Variants in TACR3 observed in about 807,000 individuals in gnomAD.
TACR3 encodes tachykinin receptor 3, also known as neuromedin-K receptor.
Under a neutral mutation model 35.0 loss-of-function variants are expected in TACR3, and 34 were observed. The observed-to-expected ratio is 0.97, with a 90% CI of 0.74 to 1.30. The LOEUF is 1.30. TACR3 is among the 50% of genes most tolerant of loss of function. The pLI, the probability that TACR3 is intolerant of heterozygous loss-of-function variation, is 0.00. For missense variants in TACR3, 558 were observed against 591.7 expected, an observed-to-expected ratio of 0.94 and a Z score of 0.59; for synonymous variants, 233 against 221.1, an observed-to-expected ratio of 1.05 and a Z score of -0.48.
At chr4:103,670,723 G>A (rs1726039445) in intron 1 of TACR3, among the ~76,000 whole-genome samples, 1 of 152,044 alleles carries the variant, frequency 6.6e-6, no homozygotes. Flanking sequence ...TTTTAGTGGA[G>A]TCTTTAGGTT....
chr4:103,596,952 T>G (rs1402575274), intron 3 of TACR3, among the ~76,000 whole-genome samples: 1 of 151,998 alleles, frequency 6.6e-6, no homozygotes, highest in African/African-American at 2.4e-5. Context: ...TATGGCTGCA[T>G]AGTATTCCAT....
chr4:103,681,134 TA>T (rs1344631060), intron 1 of TACR3, among the ~76,000 whole-genome samples: 2 of 151,998 alleles, frequency 1.3e-5, no homozygotes, highest in Non-Finnish European at 2.9e-5. Flanking sequence ...ATAGGATATT[TA>T]AAAAAATATT....
At chr4:103,642,969 A>G (rs544258054) in intron 3 of TACR3, among the ~76,000 whole-genome samples, 2 of 151,990 alleles carry the variant, frequency 1.3e-5, no homozygotes, top group South Asian at 2.1e-4. Context: ...ATGAAATTTC[A>G]AAAAGGCAAG....
At chr4:103,598,525 G>T (rs1386752759) in intron 3 of TACR3, among the ~76,000 whole-genome samples, 1 of 152,100 alleles carries the variant, frequency 6.6e-6, no homozygotes, top group African/African-American at 2.4e-5. Flanking sequence ...TGAAGTCCTT[G>T]CCCATGCCTA....
intron 1 of TACR3, among the ~76,000 whole-genome samples, chr4:103,700,374 G>T (rs1046856676): frequency 2.0e-5 from 3 of 152,112 alleles, no homozygotes; most frequent in Non-Finnish European, 1.5e-5. Context: ...GTGTGTAACA[G>T]ATAATTTTAA....
At chr4:103,616,302 A>ATGTGTGTGTGTGTG (rs3839189) in intron 3 of TACR3, among the ~76,000 whole-genome samples, 9 of 151,136 alleles carry the variant, frequency 6.0e-5, no homozygotes, top group African/African-American at 2.2e-4. Context: ...ACATACGTGT[A>ATGTGTGTGTGTGTG]TGTGTGTGTG....
intron 3 of TACR3, among the ~76,000 whole-genome samples, chr4:103,654,959 C>A (rs559533345): frequency 6.6e-6 from 1 of 152,022 alleles, no homozygotes; most frequent in African/African-American, 2.4e-5. Flanking sequence ...CTTTAGGATT[C>A]GTTTGTAGGT....
At chr4:103,682,039 C>T (rs1722106123) in intron 1 of TACR3, among the ~76,000 whole-genome samples, 1 of 152,194 alleles carries the variant, frequency 6.6e-6, no homozygotes, top group East Asian at 1.9e-4. Context: ...TGTGTAATAA[C>T]TTGTCATCAA....
chr4:103,696,606 TGAA>T (rs1293099658), intron 1 of TACR3, among the ~76,000 whole-genome samples: 2 of 152,164 alleles, frequency 1.3e-5, no homozygotes, highest in African/African-American at 4.8e-5. Context: ...TGAACTATCT[TGAA>T]GAGTTTCTTT....
At chr4:103,632,911 G>A (rs1156633032) in intron 3 of TACR3, among the ~76,000 whole-genome samples, 1 of 151,930 alleles carries the variant, frequency 6.6e-6, no homozygotes, top group Non-Finnish European at 1.5e-5. Context: ...ATGGACAACA[G>A]AACTAGAGGG....
At chr4:103,623,259 A>G (rs1724822912) in intron 3 of TACR3, among the ~76,000 whole-genome samples, 2 of 152,044 alleles carry the variant, frequency 1.3e-5, no homozygotes, top group South Asian at 4.1e-4. Flanking sequence ...TTTCCACTCA[A>G]CTATTGTAAT....
chr4:103,593,044 T>C (rs1490296094), intron 3 of TACR3, among the ~76,000 whole-genome samples: 2 of 152,208 alleles, frequency 1.3e-5, no homozygotes, highest in Non-Finnish European at 2.9e-5. Context: ...TTAAATTACA[T>C]TGCTTTCTTC....
At chr4:103,702,631 G>T (rs1440879783) in intron 1 of TACR3, among the ~76,000 whole-genome samples, 1 of 152,004 alleles carries the variant, frequency 6.6e-6, no homozygotes, top group Admixed American at 6.6e-5. Context: ...ATTCACAATA[G>T]CAAAGACTTG....
chr4:103,596,812 T>C (rs965852233), intron 3 of TACR3, among the ~76,000 whole-genome samples: 1 of 151,940 alleles, frequency 6.6e-6, no homozygotes, highest in Non-Finnish European at 1.5e-5. Context: ...GTCCATGTGT[T>C]CTCATTGTTC....
chr4:103,674,928 G>A (rs1726136152), intron 1 of TACR3, among the ~76,000 whole-genome samples: 1 of 152,132 alleles, frequency 6.6e-6, no homozygotes, highest in African/African-American at 2.4e-5. Context: ...TTAAAATTCT[G>A]TGAAAATAGA....
chr4:103,624,046 G>A (rs1420561569), intron 3 of TACR3, among the ~76,000 whole-genome samples: 1 of 152,158 alleles, frequency 6.6e-6, no homozygotes, highest in East Asian at 1.9e-4. Flanking sequence ...TTTATATGAA[G>A]AGAATTATTT....
Position 103,719,240 on chromosome 4 carries a change from C to G in TACR3, c.436G>C (p.Ala146Pro). Reference protein sequence around the residue: ...AFNTLVNFIYALHSEWYFGAN... With the variant: ...AFNTLVNFIYPLHSEWYFGAN... ...CCAAAGTACCACTCGCTATGAAGCG[C>G]GTAGATGAAATTGACCAACGTGTTG... The change falls in exon 1 of 5, where the codon GCG becomes CCG. Residue 146 changes from alanine to proline, a missense_variant. Coordinates refer to ENST00000304883, the MANE Select transcript of TACR3 (RefSeq NM_001059.3). The G allele has an allele frequency of 6.2e-7, 1 of 1,614,178 alleles. No individual in the cohort carries two copies.
intron 1 of TACR3, among the ~76,000 whole-genome samples, chr4:103,680,155 C>G (rs1726259429): frequency 6.6e-6 from 1 of 151,318 alleles, no homozygotes; most frequent in Non-Finnish European, 1.5e-5. Flanking sequence ...TTTGATGAAA[C>G]ATATGGGATG....
intron 1 of TACR3, among the ~76,000 whole-genome samples, chr4:103,708,900 G>T (rs541681752): frequency 1.3e-5 from 2 of 152,294 alleles, no homozygotes; most frequent in South Asian, 4.1e-4. Flanking sequence ...GGAAGAAAGG[G>T]TATCAGTGAT....
Sources: gnomAD v4.1 joint callset for allele counts (sites outside exome capture counted in the v4.1 genomes callset) on GRCh38, gnomAD v4.1.1 for gene constraint, MANE v1.5 for transcripts, NCBI Gene and HGNC (gene_info 2026-07-23, HGNC 2026-07-21) for gene names.